Variants in AGBL1 observed in about 807,000 individuals in gnomAD.
The protein encoded by AGBL1 is cytosolic carboxypeptidase 4.
Under a neutral mutation model 118.9 loss-of-function variants are expected in AGBL1, and 130 were observed. That is an observed-to-expected ratio of 1.09 (90% CI 0.95 to 1.26). The LOEUF is 1.26. Among genes scored for constraint, AGBL1 ranks in the 50% most tolerant of loss-of-function variants. AGBL1 has a pLI of 0.00. For synonymous variants in AGBL1, 555 were observed against 478.9 expected, an observed-to-expected ratio of 1.16 and a Z score of -2.08; for missense variants, 1,584 against 1,298.1, an observed-to-expected ratio of 1.22 and a Z score of -3.38.
chr15:86,697,910 T>C (rs1257724347), intron 22 of AGBL1, among the ~76,000 whole-genome samples: 1 of 151,972 alleles, frequency 6.6e-6, no homozygotes, highest in Non-Finnish European at 1.5e-5. Flanking sequence ...CTCTCAGCCA[T>C]GGATACCAGC....
At chr15:86,341,557 C>T (rs2080461855) in intron 17 of AGBL1, among the ~76,000 whole-genome samples, 2 of 152,140 alleles carry the variant, frequency 1.3e-5, no homozygotes. Context: ...TATATATTCC[C>T]AGAAATGGCA....
chr15:86,465,876 T>G (rs2082398948), intron 18 of AGBL1, among the ~76,000 whole-genome samples: 1 of 152,212 alleles, frequency 6.6e-6, no homozygotes, highest in African/African-American at 2.4e-5. Flanking sequence ...TCTGCCCTTG[T>G]GATATTTTAT....
At chr15:86,502,695 C>A (rs1458109505) in intron 18 of AGBL1, among the ~76,000 whole-genome samples, 5 of 149,816 alleles carry the variant, frequency 3.3e-5, no homozygotes, top group African/African-American at 1.2e-4. Flanking sequence ...GTCTTTTATT[C>A]TGTTAACATG....
chr15:86,595,387 T>C (rs1366522948), intron 21 of AGBL1, among the ~76,000 whole-genome samples: 2 of 152,164 alleles, frequency 1.3e-5, no homozygotes, highest in Non-Finnish European at 2.9e-5. Context: ...TCCTTAACCT[T>C]TTAAAAGTTC....
intron 17 of AGBL1, among the ~76,000 whole-genome samples, chr15:86,312,606 A>G (rs566979788): frequency 7.2e-5 from 11 of 152,314 alleles, no homozygotes; most frequent in South Asian, 6.2e-4. Context: ...GTGTTACCCC[A>G]GTGTCCTATG....
intron 18 of AGBL1, among the ~76,000 whole-genome samples, chr15:86,495,182 C>G (rs1252935029): frequency 6.6e-6 from 1 of 150,524 alleles, no homozygotes; most frequent in Non-Finnish European, 1.5e-5. Context: ...TCTTTGATGT[C>G]TTTGGTTAAC....
intron 15 of AGBL1, among the ~76,000 whole-genome samples, chr15:86,273,153 G>GC (rs935327731): frequency 5.9e-5 from 4 of 68,018 alleles, no homozygotes; most frequent in African/African-American, 1.1e-4. Flanking sequence ...ATAAATTCCA[G>GC]TTGAGGATGC....
At chr15:86,322,168 T>C (rs756782278) in intron 17 of AGBL1, among the ~76,000 whole-genome samples, 1 of 151,550 alleles carries the variant, frequency 6.6e-6, no homozygotes, top group Non-Finnish European at 1.5e-5. Flanking sequence ...AGGTGAAACA[T>C]GTTTGTCTGT....
chr15:86,375,436 C>A (rs1482049544), intron 17 of AGBL1, among the ~76,000 whole-genome samples: 3 of 152,090 alleles, frequency 2.0e-5, no homozygotes, highest in African/African-American at 7.2e-5. Flanking sequence ...GTCACCCCCC[C>A]ACCAGGTCCC....
At chr15:86,764,642 A>G (rs1222497216) in intron 22 of AGBL1, among the ~76,000 whole-genome samples, 1 of 152,092 alleles carries the variant, frequency 6.6e-6, no homozygotes, top group Non-Finnish European at 1.5e-5. Context: ...GAATATTAAT[A>G]ATAGTGTTAT....
chr15:86,454,916 A>G (rs2082241454), intron 18 of AGBL1, among the ~76,000 whole-genome samples: 1 of 152,198 alleles, frequency 6.6e-6, no homozygotes, highest in Non-Finnish European at 1.5e-5. Context: ...AAATAAAAAC[A>G]AAAAAGCAAA....
intron 21 of AGBL1, among the ~76,000 whole-genome samples, chr15:86,667,833 C>A (rs555457651): frequency 2.0e-5 from 3 of 152,262 alleles, no homozygotes; most frequent in Non-Finnish European, 4.4e-5. Flanking sequence ...TTAATCTAAT[C>A]TGTTGTGTTA....
chr15:86,401,297 TG>T (rs1406287625), intron 18 of AGBL1, among the ~76,000 whole-genome samples: 1 of 152,122 alleles, frequency 6.6e-6, no homozygotes, highest in Admixed American at 6.6e-5. Flanking sequence ...CAGTTTTTGA[TG>T]GGATTTTTTT....
chr15:86,853,160 G>A (rs2079430629), intron 22 of AGBL1, among the ~76,000 whole-genome samples: 1 of 152,168 alleles, frequency 6.6e-6, no homozygotes, highest in Non-Finnish European at 1.5e-5. Context: ...TCAAGTTTTA[G>A]AATAAGTAGT....
intron 21 of AGBL1, among the ~76,000 whole-genome samples, chr15:86,673,779 G>A (rs1465883426): frequency 2.0e-5 from 3 of 152,056 alleles, no homozygotes; most frequent in African/African-American, 7.2e-5. Flanking sequence ...GGTTCTAAAT[G>A]AATACTGGTT....
chr15:86,795,402 T>C (rs1327459514), intron 22 of AGBL1, among the ~76,000 whole-genome samples: 1 of 151,968 alleles, frequency 6.6e-6, no homozygotes, highest in Non-Finnish European at 1.5e-5. Context: ...TGAAATAATG[T>C]CATTGGGAGC....
At chr15:86,127,649 TTTC>T (rs956658378) in intron 1 of AGBL1, among the ~76,000 whole-genome samples, 6 of 152,200 alleles carry the variant, frequency 3.9e-5, no homozygotes, top group South Asian at 2.1e-4. Flanking sequence ...TCCAGAGCCA[TTTC>T]TTCTTCTTCT....
At chr15:86,781,449 G>A (rs534025383) in intron 22 of AGBL1, among the ~76,000 whole-genome samples, 46 of 141,950 alleles carry the variant, frequency 3.2e-4, no homozygotes, top group Non-Finnish European at 6.4e-4. Flanking sequence ...TAGCAAACAT[G>A]AGGCAATGTA....
At chr15:86,128,515 G>A (rs1399049881) in intron 1 of AGBL1, among the ~76,000 whole-genome samples, 1 of 152,186 alleles carries the variant, frequency 6.6e-6, no homozygotes, top group East Asian at 1.9e-4. Context: ...TACCGTATGA[G>A]CAACTTGGGA....
Sources: gnomAD v4.1 joint callset for allele counts (sites outside exome capture counted in the v4.1 genomes callset) on GRCh38, gnomAD v4.1.1 for gene constraint, MANE v1.5 for transcripts, NCBI Gene and HGNC (gene_info 2026-07-23, HGNC 2026-07-21) for gene names.